CDC25C: variants seen among roughly 807,000 people sequenced by gnomAD.
CDC25C encodes M-phase inducer phosphatase 3.
CDC25C carries 48 observed loss-of-function variants against 52.5 expected under a neutral mutation model. That is an observed-to-expected ratio of 0.91 (90% CI 0.72 to 1.16). The LOEUF (loss-of-function observed/expected upper bound fraction) is 1.16, where lower values mean the gene tolerates loss of function less well. Among genes scored for constraint, CDC25C ranks in the 50% most tolerant of loss-of-function variants. The pLI, the probability that CDC25C is intolerant of heterozygous loss-of-function variation, is 0.00. For synonymous variants in CDC25C, 187 were observed against 206.5 expected (o/e 0.91, Z 0.81); for missense variants, 510 against 566.1 (o/e 0.90, Z 1.01).
At chr5:138,332,144 G>A (rs1760446577), upstream of CDC25C, 1 of 153,220 alleles carries the variant, frequency 6.5e-6, no homozygotes, top group African/African-American at 2.4e-5. Context: ...CGAACCCCGG[G>A]AGATTTAAAC....
intron 4 of CDC25C, among the ~76,000 whole-genome samples, chr5:138,326,782 G>A (rs1263261841): frequency 1.3e-5 from 2 of 152,044 alleles, no homozygotes; most frequent in African/African-American, 2.4e-5. Flanking sequence ...AGAGAAACCC[G>A]TCTCTACTAA....
chr5:138,286,189 G>GT, intron 12 of CDC25C, 56 bp from the exon 13 acceptor site: 1 of 1,360,826 alleles, frequency 7.3e-7, no homozygotes, highest in Non-Finnish European at 1.0e-6. Context: ...CAGGATCCCA[G>GT]GGGCCATTCA....
At chr5:138,294,065 G>A (rs1291157708) in intron 7 of CDC25C, among the ~76,000 whole-genome samples, 4 of 136,994 alleles carry the variant, frequency 2.9e-5, no homozygotes, top group Non-Finnish European at 4.6e-5. Flanking sequence ...TCACTCTGTC[G>A]CCCAGGCTGG....
intron 7 of CDC25C, among the ~76,000 whole-genome samples, chr5:138,308,882 T>C (rs1338669567): frequency 6.6e-6 from 1 of 152,062 alleles, no homozygotes; most frequent in East Asian, 1.9e-4. Flanking sequence ...TATGTAACCA[T>C]GGGTATCACA....
intron 7 of CDC25C, among the ~76,000 whole-genome samples, chr5:138,317,876 T>C (rs1436953008): frequency 1.3e-5 from 2 of 152,112 alleles, no homozygotes; most frequent in East Asian, 3.9e-4. Flanking sequence ...GTTAGGTATA[T>C]TCTATACATT....
At chr5:138,296,993 C>G (rs1757258731) in intron 7 of CDC25C, among the ~76,000 whole-genome samples, 1 of 147,856 alleles carries the variant, frequency 6.8e-6, no homozygotes, top group African/African-American at 2.5e-5. Flanking sequence ...TCACTGCAAG[C>G]TCTGCCTCGC....
intron 10 of CDC25C, 67 bp downstream of exon 10, chr5:138,289,434 T>G: frequency 8.6e-7 from 1 of 1,157,632 alleles, no homozygotes; most frequent in Non-Finnish European, 1.3e-6. Flanking sequence ...GAAATGGGCA[T>G]TTTAGGGACA....
intron 4 of CDC25C, among the ~76,000 whole-genome samples, chr5:138,326,300 G>A (rs1278112150): frequency 3.3e-5 from 5 of 151,930 alleles, no homozygotes; most frequent in African/African-American, 1.2e-4. Context: ...AGATGAACGA[G>A]TTTTATACAA....
At position 138,286,756 on chromosome 5, in the gene CDC25C, G is replaced by C. The variant is rs2126638458; in HGVS notation, c.1027-126C>G. 5 of 795,822 alleles carry C rather than the reference G, an allele frequency of 6.3e-6. No individual in the cohort carries two copies. In the South Asian group the frequency reaches 7.6e-5, roughly 12 times the overall value. The allele number at this position is 795,822 out of a possible 1,614,324, so 49.3% of individuals were successfully genotyped here. ...AAAAGCTGGACTATAAGCACCTTTAGGGCAGGGGTCTAAGTATATCTCTGT... is the reference window on the plus strand; with the variant it reads ...AAAAGCTGGACTATAAGCACCTTTACGGCAGGGGTCTAAGTATATCTCTGT... On this transcript the variant is annotated intron_variant, in intron 11 of 13. Transcript: ENST00000323760.
rs143439582 is a variant in CDC25C, at chr5:138,320,781, T to C, written c.460-1407A>G. Among the ~76,000 whole-genome samples, 310 of 151,940 alleles carry C rather than the reference T, an allele frequency of 2.0e-3. 1 individual carries two copies. The highest frequency in any genetic ancestry group is 6.4e-3 in the African/African-American group (267 of 41,416). On this transcript the variant is annotated intron_variant, in intron 6 of 13. Transcript: ENST00000323760. Reference sequence around the variant, plus strand: ...ATACAAAAAAATTCACCAGGCATGGTAGCACACGTCTGTAATCCCAGCTAC... The same window carrying C: ...ATACAAAAAAATTCACCAGGCATGGCAGCACACGTCTGTAATCCCAGCTAC...
At chr5:138,311,350 T>C (rs1441923911) in intron 7 of CDC25C, among the ~76,000 whole-genome samples, 4 of 152,150 alleles carry the variant, frequency 2.6e-5, no homozygotes, top group Non-Finnish European at 5.9e-5. Context: ...TCGCAGCACC[T>C]TGGGAGGCTG....
chr5:138,301,690 CAAAAA>C (rs1194730456), intron 7 of CDC25C, among the ~76,000 whole-genome samples: 1 of 101,392 alleles, frequency 9.9e-6, no homozygotes, highest in Non-Finnish European at 2.0e-5. Context: ...TAGAGGTACA[CAAAAA>C]AAAAAAAAAA....
intron 6 of CDC25C, among the ~76,000 whole-genome samples, chr5:138,321,333 A>C (rs916666268): frequency 3.3e-5 from 5 of 152,154 alleles, no homozygotes; most frequent in Non-Finnish European, 7.4e-5. Flanking sequence ...ACTCACAAAT[A>C]GTTAAAATTG....
intron 7 of CDC25C, among the ~76,000 whole-genome samples, chr5:138,301,791 C>T (rs1446045503): frequency 1.3e-5 from 2 of 149,698 alleles, no homozygotes; most frequent in Non-Finnish European, 3.0e-5. Context: ...GCAACCTCTG[C>T]CTCCTGGGTT....
At chr5:138,337,403 C>T (rs931642301) in intron 1 of CDC25C, 1 of 153,600 alleles carries the variant, frequency 6.5e-6, no homozygotes, top group South Asian at 1.8e-4. Context: ...CCCCATCTGC[C>T]TGTTTCCTCC....
Position 138,322,776 on chromosome 5 carries a change from T to C in CDC25C, c.459+3039A>G, listed in dbSNP as rs1561714560. ...AGGCGTGAGCCACCGCGCCCGGCCC[T>C]GGCTAATTTTCATATTTTTTTTTCA... On this transcript the variant is annotated intron_variant, in intron 6 of 13. Transcript: ENST00000323760. Among the ~76,000 whole-genome samples the C allele has an allele frequency of 1.3e-5, 2 of 150,726 alleles. 1 individual carries two copies. The highest frequency in any genetic ancestry group is 4.9e-5 in the African/African-American group (2 of 41,002).
At chr5:138,290,530 A>G (rs1396099528) in intron 9 of CDC25C, 109 bp downstream of exon 9, 7 of 688,230 alleles carry the variant, frequency 1.0e-5, no homozygotes, top group East Asian at 2.7e-5. Context: ...CAGGTTACCA[A>G]AGAGTACTTG....
At chr5:138,290,846 A>G (rs1168351838) in intron 8 of CDC25C, 106 bp from the exon 9 acceptor site, 2 of 709,342 alleles carry the variant, frequency 2.8e-6, no homozygotes, top group Non-Finnish European at 5.1e-6. Context: ...TCCTAGCTAC[A>G]TGGGAGGCTG....
At position 138,319,290 on chromosome 5, in the gene CDC25C, G is replaced by C; in HGVS notation, c.544C>G (p.Leu182Val). The C allele has an allele frequency of 6.2e-7, 1 of 1,612,960 alleles. No homozygotes were observed. Among genetic ancestry groups the C allele is most frequent in the Admixed American group, 1.7e-5 (1 of 60,004 alleles). Residue 182 changes from leucine (L) to valine (V), a missense_variant, in exon 7 of 14, where the codon CTA becomes GTA. By Grantham distance (32) the Leu-to-Val change is conservative. Coordinates refer to ENST00000323760, the MANE Select transcript of CDC25C (RefSeq NM_001790.5). Reference protein sequence around the residue: ...TVPKLDKNPNLGEDQAEEISD... With the variant: ...TVPKLDKNPNVGEDQAEEISD... ...ATCTCTTCTGCCTGGTCTTCTCCTA[G>C]GTTTGGATTTTTATCCAATTTTGGA...
Sources: allele counts gnomAD v4.1 joint callset (sites outside exome capture counted in the v4.1 genomes callset), GRCh38; gene constraint gnomAD v4.1.1; transcripts MANE v1.5; gene names NCBI Gene and HGNC (gene_info 2026-07-23, HGNC 2026-07-21).